Variants in CASQ2 observed in about 807,000 individuals in gnomAD.
CASQ2 encodes the protein calsequestrin 2.
A neutral mutation model predicts 46.5 loss-of-function variants in CASQ2; 49 were observed. The ratio of observed to expected loss-of-function variants is 1.05; its 90% CI spans 0.84 to 1.34. CASQ2 has a LOEUF of 1.34. Ranked by LOEUF, CASQ2 falls within the 40% of genes most tolerant of loss-of-function variation. The pLI is 0.00. For synonymous variants in CASQ2, 174 were observed against 168.5 expected, an observed-to-expected ratio of 1.03 and a Z score of -0.25; for missense variants, 486 against 481.3, an observed-to-expected ratio of 1.01 and a Z score of -0.09.
chr1:115,706,179 T>C (rs1163943852), intron 8 of CASQ2, among the ~76,000 whole-genome samples: 1 of 151,646 alleles, frequency 6.6e-6, no homozygotes, highest in Non-Finnish European at 1.5e-5. Context: ...TGCGTGCGTG[T>C]GTGTATGTGT....
chr1:115,753,143 C>T (rs773115981), intron 1 of CASQ2, among the ~76,000 whole-genome samples: 11 of 152,132 alleles, frequency 7.2e-5, no homozygotes, highest in Admixed American at 1.3e-4. Context: ...TTCACAGTCA[C>T]GGCAGTCCAG....
intron 1 of CASQ2, among the ~76,000 whole-genome samples, chr1:115,746,749 A>AT (rs202109947): frequency 4.7e-4 from 71 of 150,750 alleles, no homozygotes; most frequent in African/African-American, 9.0e-4. Flanking sequence ...GTTTACAAGC[A>AT]TTTTTTTTTA....
At position 115,738,002 on chromosome 1, in the gene CASQ2, G is replaced by A. The variant is rs111649073; in HGVS notation, c.532+222C>T. Among the ~76,000 whole-genome samples the A allele has an allele frequency of 8.5e-5, 13 of 152,326 alleles. 2 individuals carry two copies. The highest frequency in any genetic ancestry group is 2.9e-4 in the African/African-American group (12 of 41,578). Reference sequence around the variant, plus strand: ...TGTAGAACACTCAGCCTGCTTTAAAGCTGGAGAACCTGGCCCCTCCTTAAT... The same window carrying A: ...TGTAGAACACTCAGCCTGCTTTAAAACTGGAGAACCTGGCCCCTCCTTAAT... On this transcript the variant is annotated intron_variant, in intron 4 of 10. Coordinates refer to ENST00000261448, the MANE Select transcript of CASQ2 (RefSeq NM_001232.4).
intron 1 of CASQ2, among the ~76,000 whole-genome samples, chr1:115,746,340 A>T (rs1648389661): frequency 6.6e-6 from 1 of 152,196 alleles, no homozygotes; most frequent in African/African-American, 2.4e-5. Context: ...CTCTGAGATA[A>T]ATGTCTAATA....
rs1239940555 is a variant in CASQ2, at chr1:115,744,906, C to T, written c.241G>A (p.Ala81Thr). 1.9e-6 allele frequency: 3 copies of T among 1,612,004 alleles called. No individual in the cohort carries two copies. The highest frequency in any genetic ancestry group is 2.5e-6 in the Non-Finnish European group (3 of 1,178,352). The change falls in exon 2 of 11, where the codon GCC becomes ACC. Residue 81 changes from alanine to threonine, a missense_variant. By Grantham distance (58) the Ala-to-Thr change is moderately conservative. Coordinates refer to ENST00000261448, the MANE Select transcript of CASQ2 (RefSeq NM_001232.4). The part of the protein sequence containing the change: ...QLKEIVLELV[A>T]QVLEHKAIGF... ...ATAGCTTTATGTTCAAGGACCTGGGCCACAAGCTGAAGAAACAAATGGAAA... is the reference window on the plus strand; with the variant it reads ...ATAGCTTTATGTTCAAGGACCTGGGTCACAAGCTGAAGAAACAAATGGAAA...
At chr1:115,749,719 C>T (rs143749924) in intron 1 of CASQ2, among the ~76,000 whole-genome samples, 11 of 152,322 alleles carry the variant, frequency 7.2e-5, no homozygotes, top group South Asian at 2.1e-4. Context: ...CTCTGCTGGG[C>T]CAGTGGGGCA....
chr1:115,703,431 A>G (rs2101054293), intron 9 of CASQ2, among the ~76,000 whole-genome samples: 1 of 152,034 alleles, frequency 6.6e-6, no homozygotes, highest in Non-Finnish European at 1.5e-5. Flanking sequence ...CCAGGCTTGG[A>G]CTCCATGTGG....
intron 1 of CASQ2, among the ~76,000 whole-genome samples, chr1:115,758,799 C>T (rs1648845201): frequency 1.3e-5 from 2 of 152,222 alleles, no homozygotes; most frequent in South Asian, 4.1e-4. Flanking sequence ...TGAGTGGAAG[C>T]AGCCTGTGGC....
intron 4 of CASQ2, among the ~76,000 whole-genome samples, chr1:115,736,209 C>T (rs1168266711): frequency 6.6e-6 from 1 of 151,532 alleles, no homozygotes; most frequent in Non-Finnish European, 1.5e-5. Flanking sequence ...ATTGTCCTCC[C>T]ATTTGTCACT....
In CASQ2 at chr1:115,760,685, T is replaced by A. The variant is rs75786615; in HGVS notation, c.234+7623A>T. On this transcript the variant is annotated intron_variant, in intron 1 of 10. Transcript: ENST00000261448. ...CATCAGCCTTTACCCAGTGACCAAT[T>A]AAACCAGCACCTGTGGGGATAAGAC... 4.4e-3 allele frequency among the ~76,000 whole-genome samples: 676 copies of A among 152,322 alleles called. 12 individuals are homozygous for A. The highest frequency in any genetic ancestry group is 0.016 in the African/African-American group (650 of 41,584).
intron 1 of CASQ2, among the ~76,000 whole-genome samples, chr1:115,753,651 C>T (rs1211377507): frequency 6.6e-6 from 1 of 152,160 alleles, no homozygotes; most frequent in Non-Finnish European, 1.5e-5. Context: ...ACATCCAATA[C>T]CTCCATAAAG....
At chr1:115,706,317 A>G (rs1654362153) in intron 8 of CASQ2, among the ~76,000 whole-genome samples, 1 of 152,306 alleles carries the variant, frequency 6.6e-6, no homozygotes, top group Non-Finnish European at 1.5e-5. Context: ...TTGTTTCAGA[A>G]TTAAACTCAG....
Position 115,744,899 on chromosome 1 carries a change from ACCTGGG to A in CASQ2, c.242_247del (p.Ala81_Gln82del). ...AAAGCCTATAGCTTTATGTTCAAGG[ACCTGGG>A]CCACAAGCTGAAGAAACAAATGGAA... On this transcript the variant is annotated inframe_deletion, in exon 2 of 11. Transcript: ENST00000261448. The A allele has an allele frequency of 6.2e-7, 1 of 1,613,080 alleles. No homozygotes were observed. Among genetic ancestry groups the A allele is most frequent in the Non-Finnish European group, 8.5e-7 (1 of 1,179,258 alleles).
intron 2 of CASQ2, among the ~76,000 whole-genome samples, chr1:115,742,036 C>T (rs1297493680): frequency 4.6e-5 from 7 of 151,978 alleles, no homozygotes; most frequent in African/African-American, 1.5e-4. Flanking sequence ...GAGCAATGTG[C>T]CAGGTATTCT....
chr1:115,736,507 G>A (rs1647967689), intron 4 of CASQ2, among the ~76,000 whole-genome samples: 1 of 151,608 alleles, frequency 6.6e-6, no homozygotes, highest in Non-Finnish European at 1.5e-5. Context: ...CGTGGTGGCG[G>A]GCACCTGTAA....
intron 8 of CASQ2, among the ~76,000 whole-genome samples, chr1:115,715,685 G>T (rs1222732894): frequency 1.3e-5 from 2 of 152,124 alleles, no homozygotes; most frequent in Admixed American, 1.3e-4. Context: ...TACTATTATG[G>T]TATATGGATT....
chr1:115,717,731 T>C, intron 8 of CASQ2, 109 bp downstream of exon 8: 1 of 860,262 alleles, frequency 1.2e-6, no homozygotes, highest in Non-Finnish European at 2.0e-6. Flanking sequence ...CCCAATATCT[T>C]GCAGTTGCAT....
chr1:115,712,155 G>A (rs573501339), intron 8 of CASQ2, among the ~76,000 whole-genome samples: 3 of 152,312 alleles, frequency 2.0e-5, no homozygotes, highest in East Asian at 1.9e-4. Context: ...AAACCTCAGA[G>A]GGACAGACAA....
At chr1:115,724,464 G>A (rs1002943311) in intron 7 of CASQ2, among the ~76,000 whole-genome samples, 23 of 152,070 alleles carry the variant, frequency 1.5e-4, no homozygotes, top group African/African-American at 4.6e-4. Context: ...CACTATGCCC[G>A]ACTAATTAAT....
Sources: allele counts gnomAD v4.1 joint callset (sites outside exome capture counted in the v4.1 genomes callset), GRCh38; gene constraint gnomAD v4.1.1; transcripts MANE v1.5; gene names NCBI Gene and HGNC (gene_info 2026-07-23, HGNC 2026-07-21).